CACNG2: variants seen among roughly 807,000 people sequenced by gnomAD.
The protein encoded by CACNG2 is calcium voltage-gated channel auxiliary subunit gamma 2.
In CACNG2, 3 loss-of-function variants were observed where a neutral mutation model predicts 25.9. That is an observed-to-expected ratio of 0.12 (90% CI 0.05 to 0.30). The LOEUF (loss-of-function observed/expected upper bound fraction) is 0.30. Among genes scored for constraint, CACNG2 ranks in the 10% least tolerant of loss-of-function variants. The probability of loss-of-function intolerance (pLI) is 1.00; values close to 1 mark genes in which losing one functional copy is unlikely to be tolerated. For missense variants in CACNG2, 341 were observed against 432.5 expected, an observed-to-expected ratio of 0.79 and a Z score of 1.88; for synonymous variants, 167 against 173.3, an observed-to-expected ratio of 0.96 and a Z score of 0.29.
chr22:36,629,543 TGA>T (rs377251099), intron 1 of CACNG2, among the ~76,000 whole-genome samples: 15 of 151,060 alleles, frequency 9.9e-5, no homozygotes, highest in East Asian at 1.9e-4. Flanking sequence ...TGTGTGTGTG[TGA>T]GAGAGAGAGA....
chr22:36,693,433 C>T (rs1173680037), intron 1 of CACNG2, among the ~76,000 whole-genome samples: 1 of 152,154 alleles, frequency 6.6e-6, no homozygotes, highest in East Asian at 1.9e-4. Context: ...ACTGCAACCA[C>T]CTTCTCACCT....
At chr22:36,669,335 C>G (rs13053537) in intron 1 of CACNG2, among the ~76,000 whole-genome samples, 1 of 149,122 alleles carries the variant, frequency 6.7e-6, no homozygotes, top group African/African-American at 2.6e-5. Flanking sequence ...CACCCCATCT[C>G]TACTAAAAAT....
intron 1 of CACNG2, among the ~76,000 whole-genome samples, chr22:36,650,103 C>T (rs1936584998): frequency 6.6e-6 from 1 of 152,190 alleles, no homozygotes. Context: ...CTTGCCCTCT[C>T]TCCCGCTGCC....
chr22:36,623,016 T>A lies in CACNG2; in HGVS notation c.212-35468A>T, dbSNP rs1435890047. 1.8e-3 allele frequency among the ~76,000 whole-genome samples: 240 copies of A among 134,110 alleles called. 9 individuals are homozygous for A. The highest frequency in any genetic ancestry group is 5.9e-3 in the African/African-American group (215 of 36,254). The allele number at this position is 134,110 out of a possible 152,430, so 88.0% of individuals were successfully genotyped here. ...CATTCAGTCTTCAAAACATGGGTTT[T>A]TTTTTTTTTTTTTTTTTTTTGAGAC... On this transcript the variant is annotated intron_variant, in intron 1 of 3. Coordinates refer to ENST00000300105, the MANE Select transcript of CACNG2 (RefSeq NM_006078.5).
intron 1 of CACNG2, among the ~76,000 whole-genome samples, chr22:36,624,790 G>A (rs1284238527): frequency 1.3e-5 from 2 of 152,080 alleles, no homozygotes; most frequent in Non-Finnish European, 2.9e-5. Flanking sequence ...AGGACTTTGG[G>A]AGGCTGAGGC....
At chr22:36,659,121 A>G (rs1936750375) in intron 1 of CACNG2, among the ~76,000 whole-genome samples, 1 of 152,172 alleles carries the variant, frequency 6.6e-6, no homozygotes, top group Admixed American at 6.5e-5. Context: ...TGGGCTGAAA[A>G]TACCAACTGC....
chr22:36,656,048 T>C (rs770137056), intron 1 of CACNG2, among the ~76,000 whole-genome samples: 4 of 152,174 alleles, frequency 2.6e-5, no homozygotes, highest in Non-Finnish European at 5.9e-5. Flanking sequence ...CCTCAGGTGA[T>C]CTGCCCTTCT....
chr22:36,647,351 T>A lies in CACNG2; in HGVS notation c.211+55015A>T, dbSNP rs560187019. ...TGGCTCACACCTGTAATCCCAGCAC[T>A]TTGGGAGGCCAGGGCAGGTGGATCA... is the stretch of plus-strand genomic sequence containing the variant. On this transcript the variant is annotated intron_variant, in intron 1 of 3. Coordinates refer to ENST00000300105, the MANE Select transcript of CACNG2 (RefSeq NM_006078.5). 2.0e-5 allele frequency among the ~76,000 whole-genome samples: 3 copies of A among 152,210 alleles called. No homozygotes were observed. The South Asian group carries it at 6.2e-4, about 32-fold the overall frequency.
chr22:36,650,452 C>T (rs138396512), intron 1 of CACNG2, among the ~76,000 whole-genome samples: 7 of 152,198 alleles, frequency 4.6e-5, no homozygotes, highest in Admixed American at 3.9e-4. Context: ...CTCACTGTAG[C>T]CTCGACCTCC....
intron 1 of CACNG2, among the ~76,000 whole-genome samples, chr22:36,651,513 G>A (rs952749612): frequency 1.3e-5 from 2 of 152,134 alleles, no homozygotes; most frequent in African/African-American, 2.4e-5. Flanking sequence ...ACAGGCGTGA[G>A]CCACTGAACC....
At chr22:36,568,876 G>C (rs1405321515) in intron 2 of CACNG2, among the ~76,000 whole-genome samples, 8 of 140,726 alleles carry the variant, frequency 5.7e-5, no homozygotes. Flanking sequence ...GGGGTGGGAG[G>C]ATGGGGGCTT....
intron 1 of CACNG2, among the ~76,000 whole-genome samples, chr22:36,611,717 G>T (rs989008172): frequency 6.6e-6 from 1 of 152,196 alleles, no homozygotes; most frequent in Non-Finnish European, 1.5e-5. Context: ...CCAGCCGCGG[G>T]TCTCCAGGCT....
intron 1 of CACNG2, among the ~76,000 whole-genome samples, chr22:36,616,356 C>T (rs1242368704): frequency 6.6e-6 from 1 of 152,176 alleles, no homozygotes; most frequent in Admixed American, 6.5e-5. Context: ...ATGCATTTTT[C>T]ATGCAGCTGC....
At chr22:36,679,861 C>T (rs532859479) in intron 1 of CACNG2, among the ~76,000 whole-genome samples, 28 of 152,166 alleles carry the variant, frequency 1.8e-4, no homozygotes, top group Non-Finnish European at 7.4e-5. Context: ...TTTTGGACAC[C>T]GTGAAGAGTT....
intron 1 of CACNG2, among the ~76,000 whole-genome samples, chr22:36,644,234 C>T (rs544043252): frequency 6.6e-6 from 1 of 152,332 alleles, no homozygotes; most frequent in African/African-American, 2.4e-5. Context: ...TCCAGCTGAA[C>T]TGGGCTAAAA....
At chr22:36,653,281 A>G (rs1936647737) in intron 1 of CACNG2, among the ~76,000 whole-genome samples, 1 of 152,246 alleles carries the variant, frequency 6.6e-6, no homozygotes, top group Admixed American at 6.5e-5. Flanking sequence ...CCGAGATCAC[A>G]TCATTGCATT....
intron 1 of CACNG2, among the ~76,000 whole-genome samples, chr22:36,635,591 G>A (rs1402709779): frequency 6.6e-6 from 1 of 152,110 alleles, no homozygotes; most frequent in Non-Finnish European, 1.5e-5. Flanking sequence ...CCAGGAAACT[G>A]TAGCTTCAGT....
intron 3 of CACNG2, 128 bp from the exon 4 acceptor site, chr22:36,565,014 T>G: frequency 1.3e-6 from 1 of 798,400 alleles, no homozygotes. Flanking sequence ...CGCGCCTTCA[T>G]GAACAGGTGG....
At position 36,576,877 on chromosome 22, in the gene CACNG2, G is replaced by A. The variant is rs183335059; in HGVS notation, c.296-10384C>T. Among the ~76,000 whole-genome samples the A allele has an allele frequency of 2.2e-3, 341 of 152,246 alleles. 6 individuals are homozygous for A. The highest frequency in any genetic ancestry group is 9.1e-4 in the Non-Finnish European group (62 of 68,018). On this transcript the variant is annotated intron_variant, in intron 2 of 3. Transcript: ENST00000300105. ...TTTCAAGTGTCAGGCCTGGCACATC[G>A]TCAAGTGTTCAATGAACGTGTGCTA... is the stretch of plus-strand genomic sequence containing the variant.
Sources: allele counts gnomAD v4.1 joint callset (sites outside exome capture counted in the v4.1 genomes callset), GRCh38; gene constraint gnomAD v4.1.1; transcripts MANE v1.5; gene names NCBI Gene and HGNC (gene_info 2026-07-23, HGNC 2026-07-21).